Variants in MECOM observed in about 807,000 individuals in gnomAD.
The protein encoded by MECOM is MDS1 and EVI1 complex locus.
In MECOM, 13 loss-of-function variants were observed where a neutral mutation model predicts 116.3. That is an observed-to-expected ratio of 0.11 (90% CI 0.07 to 0.18). The LOEUF (loss-of-function observed/expected upper bound fraction) is 0.18, where lower values mean the gene tolerates loss of function less well. Among genes scored for constraint, MECOM ranks in the 10% least tolerant of loss-of-function variants. The pLI, the probability that MECOM is intolerant of heterozygous loss-of-function variation, is 1.00. For synonymous variants in MECOM, 528 were observed against 535.2 expected (o/e 0.99, Z 0.19); for missense variants, 1,299 against 1,509.0 (o/e 0.86, Z 2.31).
At chr3:169,350,727 C>T (rs1726176999) in intron 2 of MECOM, among the ~76,000 whole-genome samples, 1 of 151,396 alleles carries the variant, frequency 6.6e-6, no homozygotes, top group African/African-American at 2.4e-5. Flanking sequence ...ACAACATTTT[C>T]AATTACTTAT....
At chr3:169,331,485 A>G (rs1722710655) in intron 2 of MECOM, among the ~76,000 whole-genome samples, 1 of 152,192 alleles carries the variant, frequency 6.6e-6, no homozygotes, top group Non-Finnish European at 1.5e-5. Flanking sequence ...GGATTTATAT[A>G]ATAAAAACTT....
At chr3:169,382,726 G>T (rs550592429) in intron 1 of MECOM, among the ~76,000 whole-genome samples, 3 of 151,620 alleles carry the variant, frequency 2.0e-5, no homozygotes, top group African/African-American at 4.8e-5. Flanking sequence ...GGTGGTATGC[G>T]CCTGTAGTCC....
chr3:169,482,430 C>T (rs755550251), intron 1 of MECOM, among the ~76,000 whole-genome samples: 50 of 148,582 alleles, frequency 3.4e-4, no homozygotes, highest in Non-Finnish European at 6.8e-4. Context: ...CTTCCGGGTT[C>T]AAGCCATTCT....
intron 1 of MECOM, among the ~76,000 whole-genome samples, chr3:169,633,879 G>C (rs566205136): frequency 6.9e-6 from 1 of 145,358 alleles, no homozygotes; most frequent in Admixed American, 7.0e-5. Flanking sequence ...AAGAAAGAGA[G>C]AGGTAAACAG....
chr3:169,481,319 G>A (rs1578220965), intron 1 of MECOM, among the ~76,000 whole-genome samples: 1 of 152,154 alleles, frequency 6.6e-6, no homozygotes, highest in South Asian at 2.1e-4. Flanking sequence ...TTGGGAGGAC[G>A]AGGCGGGTGG....
At chr3:169,407,970 TC>T (rs1736961478) in intron 1 of MECOM, among the ~76,000 whole-genome samples, 1 of 152,022 alleles carries the variant, frequency 6.6e-6, no homozygotes, top group East Asian at 1.9e-4. Flanking sequence ...TTGGGAAAAT[TC>T]CAAGATTTAG....
chr3:169,263,118 TATA>T (rs1757788347), intron 2 of MECOM, among the ~76,000 whole-genome samples: 1 of 96,140 alleles, frequency 1.0e-5, no homozygotes, highest in African/African-American at 5.3e-5. Flanking sequence ...TATATATATA[TATA>T]TATATATGTT....
chr3:169,145,302 C>A (rs754768300), intron 2 of MECOM: 301 of 386,020 alleles, frequency 7.8e-4, no homozygotes, highest in Non-Finnish European at 1.1e-3. Flanking sequence ...AATTTGTTAT[C>A]AATAAAATTA....
intron 1 of MECOM, among the ~76,000 whole-genome samples, chr3:169,423,797 C>G (rs1156860157): frequency 6.6e-6 from 1 of 152,098 alleles, no homozygotes; most frequent in Non-Finnish European, 1.5e-5. Context: ...AGATTCAGTT[C>G]TCCTAAGCCC....
Position 169,192,493 on chromosome 3 carries a change from C to G in MECOM, c.376-48661G>C, listed in dbSNP as rs535923877. ...AAAATTATGGCAAATGTGCTATGTT[C>G]TATTATCCTATGATTAGCCTAGTAG... On this transcript the variant is annotated intron_variant, in intron 2 of 16. Coordinates refer to ENST00000651503, the MANE Select transcript of MECOM (RefSeq NM_004991.4). Among the ~76,000 whole-genome samples the G allele has an allele frequency of 1.1e-4, 16 of 152,030 alleles. No homozygotes were observed. In the East Asian group the frequency reaches 3.1e-3, roughly 29 times the overall value.
chr3:169,650,830 C>T (rs1774809123), intron 1 of MECOM, among the ~76,000 whole-genome samples: 1 of 152,004 alleles, frequency 6.6e-6, no homozygotes, highest in East Asian at 1.9e-4. Context: ...CTGTTTTGTT[C>T]TGAAAACTGG....
At chr3:169,460,590 A>G (rs1747276628) in intron 1 of MECOM, among the ~76,000 whole-genome samples, 1 of 152,248 alleles carries the variant, frequency 6.6e-6, no homozygotes, top group Non-Finnish European at 1.5e-5. Context: ...TGTTCTAATT[A>G]TTCTAGGAAA....
intron 2 of MECOM, among the ~76,000 whole-genome samples, chr3:169,209,288 G>A (rs1381468849): frequency 1.3e-5 from 2 of 152,110 alleles, no homozygotes; most frequent in Non-Finnish European, 2.9e-5. Context: ...TCAGGACATA[G>A]GCATGGGCAA....
intron 1 of MECOM, among the ~76,000 whole-genome samples, chr3:169,583,625 G>C (rs1173409924): frequency 2.0e-5 from 3 of 152,232 alleles, no homozygotes; most frequent in South Asian, 4.1e-4. Context: ...ATCATGACTT[G>C]ATAATAGTTG....
intron 2 of MECOM, among the ~76,000 whole-genome samples, chr3:169,375,488 T>C (rs1200536418): frequency 6.6e-6 from 1 of 151,900 alleles, no homozygotes; most frequent in African/African-American, 2.4e-5. Flanking sequence ...TAAAAAATGA[T>C]AAAGGGCATA....
intron 8 of MECOM, among the ~76,000 whole-genome samples, chr3:169,114,462 A>T (rs1728476370): frequency 6.6e-6 from 1 of 152,162 alleles, no homozygotes; most frequent in Non-Finnish European, 1.5e-5. Context: ...AACTTGATAA[A>T]TATTGTTGAA....
intron 2 of MECOM, among the ~76,000 whole-genome samples, chr3:169,348,534 G>C (rs73036694): frequency 2.0e-5 from 3 of 151,998 alleles, no homozygotes; most frequent in African/African-American, 7.2e-5. Context: ...CTTTTCATGG[G>C]ATTCTACCTC....
intron 2 of MECOM, among the ~76,000 whole-genome samples, chr3:169,240,750 T>G (rs572168540): frequency 6.6e-6 from 1 of 152,306 alleles, no homozygotes; most frequent in South Asian, 2.1e-4. Flanking sequence ...TGCCTCTAGA[T>G]GCCAGCCAGT....
At chr3:169,304,950 C>CA in intron 2 of MECOM, among the ~76,000 whole-genome samples, 1 of 152,146 alleles carries the variant, frequency 6.6e-6, no homozygotes, top group Non-Finnish European at 1.5e-5. Context: ...AGCTGATACT[C>CA]AAAAAACATT....
Sources: gnomAD v4.1 joint callset for allele counts (sites outside exome capture counted in the v4.1 genomes callset) on GRCh38, gnomAD v4.1.1 for gene constraint, MANE v1.5 for transcripts, NCBI Gene and HGNC (gene_info 2026-07-23, HGNC 2026-07-21) for gene names.